PLXNA4: variants seen among roughly 807,000 people sequenced by gnomAD.
The protein encoded by PLXNA4 is plexin A4, also known as plexin-A4.
PLXNA4 carries 44 observed loss-of-function variants against 191.8 expected under a neutral mutation model. The ratio of observed to expected loss-of-function variants is 0.23; its 90% CI spans 0.18 to 0.29. The LOEUF is 0.29. PLXNA4 is among the 10% of genes least tolerant of loss of function. The pLI, the probability that PLXNA4 is intolerant of heterozygous loss-of-function variation, is 1.00. For missense variants in PLXNA4, 1,800 were observed against 2,488.8 expected (o/e 0.72, Z 5.89); for synonymous variants, 1,082 against 1,009.5 (o/e 1.07, Z -1.36).
intron 3 of PLXNA4, among the ~76,000 whole-genome samples, chr7:132,312,048 C>T (rs1005486920): frequency 5.9e-5 from 9 of 152,028 alleles, no homozygotes; most frequent in Admixed American, 5.9e-4. Context: ...TTTAAGCCAC[C>T]CCCGCCCTCA....
intron 3 of PLXNA4, among the ~76,000 whole-genome samples, chr7:132,375,383 G>C (rs569069432): frequency 6.6e-6 from 1 of 151,990 alleles, no homozygotes; most frequent in South Asian, 2.1e-4. Flanking sequence ...TCCCCCAAGA[G>C]GTAGAAAAGG....
intron 1 of PLXNA4, among the ~76,000 whole-genome samples, chr7:132,527,121 T>C (rs1247577463): frequency 6.6e-6 from 1 of 152,138 alleles, no homozygotes; most frequent in Non-Finnish European, 1.5e-5. Context: ...AAACTTAGGA[T>C]GTAGATTATT....
At chr7:132,623,356 AAT>A (rs1803309266) in intron 2 of PLXNA4, among the ~76,000 whole-genome samples, 1 of 151,916 alleles carries the variant, frequency 6.6e-6, no homozygotes, top group Non-Finnish European at 1.5e-5. Context: ...CAAAAAATAA[AAT>A]AAAATAAAGA....
intron 9 of PLXNA4, among the ~76,000 whole-genome samples, chr7:132,222,217 G>C (rs190460696): frequency 3.3e-5 from 5 of 152,246 alleles, no homozygotes; most frequent in African/African-American, 1.2e-4. Context: ...ATCAGGATTC[G>C]GGCAAAACGG....
chr7:132,400,381 G>A (rs1289299765), intron 3 of PLXNA4, among the ~76,000 whole-genome samples: 1 of 152,102 alleles, frequency 6.6e-6, no homozygotes, highest in Admixed American at 6.5e-5. Context: ...CTTTTGTCCT[G>A]TCTCCTACCT....
At chr7:132,565,114 C>T (rs1277657395) in intron 1 of PLXNA4, among the ~76,000 whole-genome samples, 1 of 152,182 alleles carries the variant, frequency 6.6e-6, no homozygotes, top group African/African-American at 2.4e-5. Flanking sequence ...GATTTTCTTT[C>T]ACCTTGTGTG....
chr7:132,606,097 G>A (rs1227708243), intron 2 of PLXNA4, among the ~76,000 whole-genome samples: 1 of 152,216 alleles, frequency 6.6e-6, no homozygotes, highest in Non-Finnish European at 1.5e-5. Context: ...CTGGGAGGCG[G>A]AGGTTGCAGT....
chr7:132,617,097 TG>T (rs56264928), intron 2 of PLXNA4, among the ~76,000 whole-genome samples: 2,549 of 152,240 alleles, frequency 0.017, 38 homozygotes, highest in Non-Finnish European at 0.026. Flanking sequence ...ATTTAAGATA[TG>T]GGGGGTTTCG....
chr7:132,180,979 T>G (rs573897736), intron 18 of PLXNA4, among the ~76,000 whole-genome samples: 2 of 152,242 alleles, frequency 1.3e-5, no homozygotes, highest in Non-Finnish European at 2.9e-5. Context: ...TCCTTCTCAA[T>G]GCAGAGTTGG....
At chr7:132,226,742 G>A (rs1423655250) in intron 7 of PLXNA4, among the ~76,000 whole-genome samples, 2 of 152,186 alleles carry the variant, frequency 1.3e-5, no homozygotes, top group African/African-American at 4.8e-5. Flanking sequence ...CCACCGGGGC[G>A]GGAGACCCTG....
chr7:132,257,705 C>G (rs1799481099), intron 4 of PLXNA4, among the ~76,000 whole-genome samples: 1 of 152,196 alleles, frequency 6.6e-6, no homozygotes, highest in Non-Finnish European at 1.5e-5. Flanking sequence ...TCCCAGGCTG[C>G]TAGAACTGAG....
intron 2 of PLXNA4, among the ~76,000 whole-genome samples, chr7:132,633,560 C>G (rs564358922): frequency 6.6e-6 from 1 of 152,150 alleles, no homozygotes; most frequent in African/African-American, 2.4e-5. Context: ...GGATTACAGG[C>G]GTAAGCCACC....
chr7:132,160,644 C>A (rs1360681415), intron 24 of PLXNA4, among the ~76,000 whole-genome samples: 2 of 152,116 alleles, frequency 1.3e-5, no homozygotes, highest in Non-Finnish European at 2.9e-5. Flanking sequence ...AAGTGGCCCT[C>A]CCCTTCTGGG....
intron 30 of PLXNA4, among the ~76,000 whole-genome samples, chr7:132,134,605 G>A (rs1263479681): frequency 1.3e-5 from 2 of 152,164 alleles, no homozygotes; most frequent in Non-Finnish European, 2.9e-5. Context: ...TGGTCAGAGG[G>A]GACTCCCCTG....
chr7:132,381,004 G>A (rs913416774), intron 3 of PLXNA4, among the ~76,000 whole-genome samples: 4 of 152,238 alleles, frequency 2.6e-5, no homozygotes, highest in African/African-American at 4.8e-5. Flanking sequence ...AGAGACTCAC[G>A]TTTCTGAAAC....
At chr7:132,640,323 T>A (rs1178902344) in intron 2 of PLXNA4, among the ~76,000 whole-genome samples, 1 of 152,178 alleles carries the variant, frequency 6.6e-6, no homozygotes, top group African/African-American at 2.4e-5. Context: ...AAACTTACAC[T>A]AAATAAATGC....
chr7:132,160,049 TC>T (rs1326166637), intron 24 of PLXNA4, among the ~76,000 whole-genome samples: 1 of 152,128 alleles, frequency 6.6e-6, no homozygotes, highest in Middle Eastern at 3.2e-3. Context: ...ACCCAGACCC[TC>T]GCCCACTTCT....
At chr7:132,403,794 G>A (rs765673097) in intron 3 of PLXNA4, among the ~76,000 whole-genome samples, 6 of 152,094 alleles carry the variant, frequency 3.9e-5, no homozygotes, top group East Asian at 1.9e-4. Context: ...GGCTTACTTC[G>A]GGGACAGGAC....
intron 2 of PLXNA4, among the ~76,000 whole-genome samples, chr7:132,600,760 CTT>C (rs1173386921): frequency 5.9e-5 from 9 of 152,106 alleles, no homozygotes; most frequent in Admixed American, 2.0e-4. Flanking sequence ...TCATAACACT[CTT>C]ATTATTTTAC....
Sources: allele counts gnomAD v4.1 joint callset (sites outside exome capture counted in the v4.1 genomes callset), GRCh38; gene constraint gnomAD v4.1.1; transcripts MANE v1.5; gene names NCBI Gene and HGNC (gene_info 2026-07-23, HGNC 2026-07-21).